KLHDC1: variants seen among roughly 807,000 people sequenced by gnomAD.
KLHDC1 encodes kelch domain containing 1.
KLHDC1 carries 53 observed loss-of-function variants against 68.3 expected under a neutral mutation model. The ratio of observed to expected loss-of-function variants is 0.78; its 90% CI spans 0.62 to 0.98. KLHDC1 has a LOEUF of 0.98. Ranked by LOEUF, KLHDC1 falls within the 50% of genes least tolerant of loss-of-function variation. KLHDC1 has a pLI of 0.00. For synonymous variants in KLHDC1, 148 were observed against 159.0 expected, an observed-to-expected ratio of 0.93 and a Z score of 0.52; for missense variants, 470 against 492.3, an observed-to-expected ratio of 0.95 and a Z score of 0.43.
intron 4 of KLHDC1, among the ~76,000 whole-genome samples, chr14:49,720,855 G>C (rs1264882383): frequency 6.6e-6 from 1 of 152,038 alleles, no homozygotes; most frequent in African/African-American, 2.4e-5. Flanking sequence ...TGTCAAGTTT[G>C]CTGTTAATTA....
chr14:49,696,257 C>T (rs144412449), intron 1 of KLHDC1, among the ~76,000 whole-genome samples: 64 of 150,534 alleles, frequency 4.3e-4, no homozygotes, highest in African/African-American at 1.5e-3. Flanking sequence ...CTGCAACCTC[C>T]GCCTTCTGAG....
intron 8 of KLHDC1, among the ~76,000 whole-genome samples, chr14:49,731,882 G>A (rs1222182311): frequency 1.3e-5 from 2 of 151,910 alleles, no homozygotes; most frequent in East Asian, 1.9e-4. Flanking sequence ...ATCCTTAGAG[G>A]TTTACCCTGT....
At chr14:49,717,487 G>C (rs988647085) in intron 4 of KLHDC1, among the ~76,000 whole-genome samples, 9 of 151,934 alleles carry the variant, frequency 5.9e-5, no homozygotes, top group Non-Finnish European at 1.3e-4. Flanking sequence ...TTGGCTTATT[G>C]GACATTTGTA....
intron 12 of KLHDC1, among the ~76,000 whole-genome samples, chr14:49,744,890 C>A (rs1158216742): frequency 6.6e-6 from 1 of 152,052 alleles, no homozygotes; most frequent in African/African-American, 2.4e-5. Flanking sequence ...CTTTTTTAAC[C>A]CCAAAGCTAG....
chr14:49,744,419 C>A (rs1418218161), intron 12 of KLHDC1, among the ~76,000 whole-genome samples: 1 of 151,930 alleles, frequency 6.6e-6, no homozygotes, highest in South Asian at 2.1e-4. Context: ...TAATTCTAAG[C>A]CTGACATTTT....
At chr14:49,745,953 T>G (rs1889189451) in intron 12 of KLHDC1, among the ~76,000 whole-genome samples, 1 of 152,070 alleles carries the variant, frequency 6.6e-6, no homozygotes, top group Admixed American at 6.6e-5. Flanking sequence ...GACGAAAAAT[T>G]GAAGGGATAT....
chr14:49,707,293 TGTGTGA>T (rs1466523219), intron 1 of KLHDC1, among the ~76,000 whole-genome samples: 2 of 139,628 alleles, frequency 1.4e-5, no homozygotes, highest in Non-Finnish European at 3.1e-5. Flanking sequence ...TGTGTGTGTG[TGTGTGA>T]GAGAGAGAGA....
intron 6 of KLHDC1, among the ~76,000 whole-genome samples, chr14:49,726,561 A>G (rs1211646046): frequency 6.6e-6 from 1 of 152,248 alleles, no homozygotes. Flanking sequence ...CTTTTATAAC[A>G]AAGCCCATGT....
intron 4 of KLHDC1, among the ~76,000 whole-genome samples, chr14:49,716,680 G>A (rs1028396085): frequency 3.3e-5 from 5 of 151,994 alleles, no homozygotes; most frequent in South Asian, 2.1e-4. Context: ...TACCACGCCC[G>A]GCTTGCTATA....
At chr14:49,730,977 A>T (rs1336113125) in intron 8 of KLHDC1, among the ~76,000 whole-genome samples, 1 of 148,862 alleles carries the variant, frequency 6.7e-6, no homozygotes, top group Non-Finnish European at 1.5e-5. Context: ...TGTCTCAAAA[A>T]CTAATAATAA....
At chr14:49,718,155 G>A (rs1888427869) in intron 4 of KLHDC1, among the ~76,000 whole-genome samples, 1 of 152,132 alleles carries the variant, frequency 6.6e-6, no homozygotes. Flanking sequence ...CAAATTGCTA[G>A]GATTACAGGC....
chr14:49,705,365 C>CTTTT lies in KLHDC1; in HGVS notation c.97-3776_97-3773dup, dbSNP rs59444333. Among the ~76,000 whole-genome samples, 65 of 71,656 alleles carry CTTTT rather than the reference C, an allele frequency of 9.1e-4. 4 individuals carry two copies. The highest frequency in any genetic ancestry group is 2.9e-3 in the African/African-American group (53 of 18,318). 47.0% of individuals were successfully genotyped at this position (71,656 alleles called of 152,430 possible). ...TCACTTTCATAATATTTCTTTCTTTCTTTTTTTTTTTTTTTTTTTTTGAGA... is the reference window on the plus strand; with the variant it reads ...TCACTTTCATAATATTTCTTTCTTTCTTTTTTTTTTTTTTTTTTTTTTTTTGAGA... On this transcript the variant is annotated intron_variant, in intron 1 of 12. Transcript: ENST00000359332.
intron 11 of KLHDC1, among the ~76,000 whole-genome samples, chr14:49,742,210 C>CCTA (rs1215071759): frequency 5.9e-5 from 9 of 152,284 alleles, no homozygotes; most frequent in Admixed American, 3.9e-4. Context: ...CAAAGTTTAT[C>CCTA]ATGAAAGTAG....
At chr14:49,727,555 T>TA (rs1418574477) in intron 6 of KLHDC1, among the ~76,000 whole-genome samples, 2 of 152,194 alleles carry the variant, frequency 1.3e-5, no homozygotes, top group South Asian at 2.1e-4. Flanking sequence ...TCGTAAGTAT[T>TA]AGAGTTTGGC....
At chr14:49,725,662 A>G in intron 5 of KLHDC1, 24 bp from the exon 6 acceptor site, 1 of 977,070 alleles carries the variant, frequency 1.0e-6, no homozygotes, top group South Asian at 1.5e-5. Context: ...AAGCTTTGAG[A>G]TATTTAAAAC....
intron 12 of KLHDC1, among the ~76,000 whole-genome samples, chr14:49,749,838 C>A (rs2139773318): frequency 6.6e-6 from 1 of 152,208 alleles, no homozygotes; most frequent in East Asian, 1.9e-4. Flanking sequence ...GTGGGCGGAT[C>A]ACCTGAGGTA....
At position 49,710,252 on chromosome 14, in the gene KLHDC1, A is replaced by G. The variant is rs1444649407; in HGVS notation, c.286-11A>G. On this transcript the variant is annotated splice_polypyrimidine_tract_variant and intron_variant, in intron 3 of 12. Coordinates refer to ENST00000359332, the MANE Select transcript of KLHDC1 (RefSeq NM_172193.3). ...TGCCCTGTCTGCTAATAGTGTTCTC[A>G]TCTTTTAAAGCTTTATTTTGTTAAT... The G allele has an allele frequency of 7.1e-7, 1 of 1,412,320 alleles. No individual in the cohort carries two copies. Among genetic ancestry groups the G allele is most frequent in the Non-Finnish European group, 1.0e-6 (1 of 997,176 alleles). 87.5% of individuals were successfully genotyped at this position (1,412,320 alleles called of 1,614,324 possible).
Position 49,751,671 on chromosome 14 carries a change from C to A in KLHDC1, c.1120C>A (p.Leu374Ile). The A allele has an allele frequency of 6.2e-7, 1 of 1,604,498 alleles. No homozygotes were observed. Among genetic ancestry groups the A allele is most frequent in the South Asian group, 1.1e-5 (1 of 90,156 alleles). The change falls in exon 13 of 13, where the codon CTC (leucine) becomes ATC (isoleucine). Residue 374 changes from leucine to isoleucine, a missense_variant. Physicochemically the swap from Leu to Ile is conservative, Grantham distance 5. Transcript: ENST00000359332. The part of the protein sequence containing the change: ...LLPPKLLQQV[L>I]KKITFWAAAN... ...ACCTCCTAAACTTCTGCAACAAGTA[C>A]TCAAAAAAATAACATTTTGGGCTGC...
intron 4 of KLHDC1, among the ~76,000 whole-genome samples, chr14:49,722,948 G>C (rs984169634): frequency 6.6e-6 from 1 of 151,676 alleles, no homozygotes; most frequent in East Asian, 1.9e-4. Context: ...TTAGCCAGGC[G>C]TGGTGGCAGG....
Sources: gnomAD v4.1 joint callset for allele counts (sites outside exome capture counted in the v4.1 genomes callset) on GRCh38, gnomAD v4.1.1 for gene constraint, MANE v1.5 for transcripts, NCBI Gene and HGNC (gene_info 2026-07-23, HGNC 2026-07-21) for gene names.